Variants in MDGA2 observed in about 807,000 individuals in gnomAD.
MDGA2 encodes the protein MAM domain containing glycosylphosphatidylinositol anchor 2.
MDGA2 carries 40 observed loss-of-function variants against 117.8 expected under a neutral mutation model. That is an observed-to-expected ratio of 0.34 (90% CI 0.26 to 0.44). The LOEUF is 0.44. Among genes scored for constraint, MDGA2 ranks in the 20% least tolerant of loss-of-function variants. MDGA2 has a pLI of 1.00. For synonymous variants in MDGA2, 452 were observed against 439.0 expected (o/e 1.03, Z -0.37); for missense variants, 1,123 against 1,250.6 (o/e 0.90, Z 1.54).
At chr14:47,491,801 T>A (rs528982884) in intron 1 of MDGA2, among the ~76,000 whole-genome samples, 697 of 59,084 alleles carry the variant, frequency 0.012, 5 homozygotes, top group African/African-American at 0.042. Flanking sequence ...CAAATCTGAT[T>A]GAAAAAAAAA....
intron 14 of MDGA2, among the ~76,000 whole-genome samples, chr14:46,866,763 T>C (rs1379366180): frequency 6.6e-6 from 1 of 151,210 alleles, no homozygotes; most frequent in Non-Finnish European, 1.5e-5. Context: ...AAAGAAGACA[T>C]TTATGCAGCC....
In MDGA2 at chr14:47,611,532, G is replaced by A. The variant is rs550358124; in HGVS notation, c.280+62985C>T. ...CAGCAAAAAAACAAACAATCCTATC[G>A]AAAAGTTGGCTAAGGACAAGAAGAG... On this transcript the variant is annotated intron_variant, in intron 1 of 16. Coordinates refer to ENST00000399232, the MANE Select transcript of MDGA2 (RefSeq NM_001113498.3). 7.2e-5 allele frequency among the ~76,000 whole-genome samples: 11 copies of A among 151,860 alleles called. No individual in the cohort carries two copies. In the South Asian group the frequency reaches 8.3e-4, roughly 11 times the overall value.
At chr14:47,099,222 G>C (rs1381389523) in intron 5 of MDGA2, among the ~76,000 whole-genome samples, 1 of 151,122 alleles carries the variant, frequency 6.6e-6, no homozygotes, top group Non-Finnish European at 1.5e-5. Flanking sequence ...TTTCAAAATA[G>C]AAAAAAAAGT....
At chr14:47,143,522 T>G (rs1183646606) in intron 4 of MDGA2, among the ~76,000 whole-genome samples, 2 of 152,168 alleles carry the variant, frequency 1.3e-5, no homozygotes, top group Non-Finnish European at 2.9e-5. Context: ...TATGTAAAAT[T>G]AATTCAACTT....
chr14:47,429,118 G>C (rs903498339), intron 1 of MDGA2, among the ~76,000 whole-genome samples: 5 of 151,600 alleles, frequency 3.3e-5, no homozygotes, highest in Admixed American at 1.3e-4. Flanking sequence ...CCAGCTACGT[G>C]GGAAGCTGAG....
At chr14:47,187,233 C>G (rs930588511) in intron 3 of MDGA2, among the ~76,000 whole-genome samples, 12 of 151,694 alleles carry the variant, frequency 7.9e-5, no homozygotes, top group African/African-American at 2.9e-4. Flanking sequence ...ATTGAATAAA[C>G]CTATGTAAAT....
At chr14:46,930,885 G>A (rs377522744) in intron 9 of MDGA2, among the ~76,000 whole-genome samples, 14 of 152,084 alleles carry the variant, frequency 9.2e-5, no homozygotes, top group African/African-American at 2.9e-4. Context: ...GATCTGAAAG[G>A]AAATCAATTG....
At chr14:47,338,977 C>T (rs951053370) in intron 1 of MDGA2, among the ~76,000 whole-genome samples, 65 of 152,180 alleles carry the variant, frequency 4.3e-4, no homozygotes, top group African/African-American at 1.5e-3. Flanking sequence ...TTACCTTCAT[C>T]AGGAGCTGCT....
intron 1 of MDGA2, among the ~76,000 whole-genome samples, chr14:47,401,014 C>T (rs949731395): frequency 6.6e-6 from 1 of 151,476 alleles, no homozygotes; most frequent in African/African-American, 2.4e-5. Context: ...ACCTCGGCCT[C>T]CTAAAGTGCT....
At chr14:47,555,096 T>C (rs1397256803) in intron 1 of MDGA2, among the ~76,000 whole-genome samples, 2 of 152,110 alleles carry the variant, frequency 1.3e-5, no homozygotes, top group Non-Finnish European at 2.9e-5. Flanking sequence ...AGAGATACAA[T>C]TCCTATTGTG....
chr14:47,378,002 G>C (rs747058470), intron 1 of MDGA2, among the ~76,000 whole-genome samples: 56 of 152,294 alleles, frequency 3.7e-4, no homozygotes, highest in Non-Finnish European at 6.5e-4. Flanking sequence ...GTGCCCCTCT[G>C]AGACGAAGCT....
chr14:47,037,810 A>G (rs1461301042), intron 7 of MDGA2, among the ~76,000 whole-genome samples: 1 of 152,240 alleles, frequency 6.6e-6, no homozygotes, highest in Non-Finnish European at 1.5e-5. Flanking sequence ...TAAATAAAAA[A>G]TGTATAACTT....
chr14:47,465,570 T>C (rs1298600777), intron 1 of MDGA2, among the ~76,000 whole-genome samples: 5 of 151,966 alleles, frequency 3.3e-5, no homozygotes, highest in Non-Finnish European at 7.4e-5. Context: ...CCAAGAAGCA[T>C]ATGAAAAAAA....
At chr14:47,639,185 G>A (rs1458009390) in intron 1 of MDGA2, among the ~76,000 whole-genome samples, 1 of 152,090 alleles carries the variant, frequency 6.6e-6, no homozygotes, top group African/African-American at 2.4e-5. Context: ...GAGTATAAAG[G>A]TGTGTGTATA....
chr14:47,092,533 A>T (rs1879717675), intron 6 of MDGA2, among the ~76,000 whole-genome samples: 1 of 152,148 alleles, frequency 6.6e-6, no homozygotes, highest in Non-Finnish European at 1.5e-5. Context: ...GTGAGATGCA[A>T]CTTCTTCCAA....
At chr14:47,152,892 A>T (rs1883216776) in intron 3 of MDGA2, among the ~76,000 whole-genome samples, 1 of 152,182 alleles carries the variant, frequency 6.6e-6, no homozygotes, top group African/African-American at 2.4e-5. Flanking sequence ...TTTTAAGTGC[A>T]TATGACTTTT....
chr14:47,596,134 A>T (rs1896538115), intron 1 of MDGA2, among the ~76,000 whole-genome samples: 1 of 152,178 alleles, frequency 6.6e-6, no homozygotes, highest in African/African-American at 2.4e-5. Context: ...AGTTACACAG[A>T]TGTACACATT....
chr14:47,426,055 G>C (rs945752843), intron 1 of MDGA2, among the ~76,000 whole-genome samples: 2 of 151,920 alleles, frequency 1.3e-5, no homozygotes, highest in Admixed American at 1.3e-4. Flanking sequence ...ACACAGCCCG[G>C]ATGTTTTCAA....
intron 2 of MDGA2, among the ~76,000 whole-genome samples, chr14:47,235,191 A>G (rs1196471198): frequency 2.6e-5 from 4 of 152,200 alleles, no homozygotes; most frequent in Non-Finnish European, 5.9e-5. Flanking sequence ...CAATTTTTGC[A>G]TATCACAACC....
Sources: allele counts gnomAD v4.1 joint callset (sites outside exome capture counted in the v4.1 genomes callset), GRCh38; gene constraint gnomAD v4.1.1; transcripts MANE v1.5; gene names NCBI Gene and HGNC (gene_info 2026-07-23, HGNC 2026-07-21).